EEA1: variants seen among roughly 807,000 people sequenced by gnomAD.
EEA1 encodes the protein early endosome antigen 1, 162kD.
EEA1 carries 111 observed loss-of-function variants against 209.2 expected under a neutral mutation model. The ratio of observed to expected loss-of-function variants is 0.53; its 90% CI spans 0.45 to 0.62. The LOEUF (loss-of-function observed/expected upper bound fraction) is 0.62. EEA1 is among the 20% of genes least tolerant of loss of function. The pLI is 0.00. For synonymous variants in EEA1, 536 were observed against 540.6 expected, an observed-to-expected ratio of 0.99 and a Z score of 0.12; for missense variants, 1,343 against 1,530.8, an observed-to-expected ratio of 0.88 and a Z score of 2.05.
intron 10 of EEA1, among the ~76,000 whole-genome samples, chr12:92,833,763 T>C (rs1876774562): frequency 6.6e-6 from 1 of 152,108 alleles, no homozygotes; most frequent in Non-Finnish European, 1.5e-5. Flanking sequence ...AAACAAAATA[T>C]ACTCTAAATG....
At chr12:92,790,287 C>A (rs934013147) in intron 21 of EEA1, among the ~76,000 whole-genome samples, 2 of 152,196 alleles carry the variant, frequency 1.3e-5, no homozygotes, top group Non-Finnish European at 2.9e-5. Context: ...ATAACTTTGA[C>A]GAGTTGACAG....
rs762014438 is a variant in EEA1 at position 92,802,702 on chromosome 12, T to A, written c.2372A>T (p.Lys791Ile). 2.0e-5 allele frequency: 32 copies of A among 1,597,620 alleles called. No homozygotes were observed. Among genetic ancestry groups the A allele is most frequent in the Non-Finnish European group, 2.7e-5 (32 of 1,175,906 alleles). ...CTTGATACTTTCAAGGGCTTCAGAT[T>A]TTTTCTGTAGATCCAATCTTGTACT... is the stretch of plus-strand genomic sequence containing the variant. ...VSSTRLDLQKKSEALESIKQK... is the reference protein window; with the variant it reads ...VSSTRLDLQKISEALESIKQK... The change falls in exon 19 of 29, where the codon AAA becomes ATA. Residue 791 changes from lysine (K) to isoleucine (I), a missense_variant. Around this residue, in one of 3 missense-constraint regions of EEA1, gnomAD observed 1,307 missense variants for 1,465.5 expected, o/e 0.89. Coordinates refer to ENST00000322349, the MANE Select transcript of EEA1 (RefSeq NM_003566.4).
intron 1 of EEA1, among the ~76,000 whole-genome samples, chr12:92,896,316 C>G (rs57639196): frequency 0.024 from 3,727 of 152,190 alleles, 169 homozygotes; most frequent in African/African-American, 0.084. Context: ...GGAGGAATGG[C>G]TTCTTAGGGA....
intron 5 of EEA1, 48 bp downstream of exon 5, chr12:92,857,227 A>G: frequency 6.9e-7 from 1 of 1,443,068 alleles, no homozygotes; most frequent in Non-Finnish European, 9.3e-7. Flanking sequence ...TTTCAACAAT[A>G]AAAATAAACA....
intron 10 of EEA1, among the ~76,000 whole-genome samples, chr12:92,834,290 T>C (rs976525066): frequency 6.6e-6 from 1 of 152,062 alleles, no homozygotes; most frequent in South Asian, 2.1e-4. Flanking sequence ...ACACCTGTAA[T>C]CCCAGCACTC....
intron 2 of EEA1, among the ~76,000 whole-genome samples, chr12:92,872,331 G>A: frequency 6.6e-6 from 1 of 152,146 alleles, no homozygotes; most frequent in Non-Finnish European, 1.5e-5. Context: ...TTACAGGCGT[G>A]GGCCACCACG....
intron 1 of EEA1, among the ~76,000 whole-genome samples, chr12:92,897,288 T>C (rs950900108): frequency 3.3e-5 from 5 of 152,224 alleles, no homozygotes; most frequent in South Asian, 4.1e-4. Context: ...TTCATTTGCA[T>C]AGAAGTATAA....
intron 7 of EEA1, 59 bp from the exon 8 acceptor site, chr12:92,852,355 C>T (rs1026255601): frequency 7.3e-6 from 9 of 1,240,436 alleles, no homozygotes; most frequent in Non-Finnish European, 9.8e-6. Flanking sequence ...TATAAGTTTC[C>T]ATATATTACT....
intron 2 of EEA1, among the ~76,000 whole-genome samples, chr12:92,878,712 C>T (rs1879017494): frequency 6.6e-6 from 1 of 151,772 alleles, no homozygotes; most frequent in South Asian, 2.1e-4. Flanking sequence ...CAAAAGTTGG[C>T]TACCTTAAAA....
intron 2 of EEA1, among the ~76,000 whole-genome samples, chr12:92,886,923 G>T (rs10859388): frequency 2.6e-5 from 4 of 151,338 alleles, no homozygotes; most frequent in African/African-American, 4.9e-5. Flanking sequence ...GCATGAGCCT[G>T]GGAGGAGGAG....
intron 1 of EEA1, among the ~76,000 whole-genome samples, chr12:92,897,151 A>T (rs1433642496): frequency 2.6e-5 from 4 of 152,118 alleles, no homozygotes; most frequent in Admixed American, 1.3e-4. Context: ...TGAAAGGAAA[A>T]CCCTAACTTT....
At chr12:92,779,501 G>A (rs1373061603) in intron 24 of EEA1, among the ~76,000 whole-genome samples, 1 of 151,910 alleles carries the variant, frequency 6.6e-6, no homozygotes, top group Non-Finnish European at 1.5e-5. Context: ...TTTAAATCCA[G>A]GTGACAAAAA....
chr12:92,783,088 T>C (rs1322242421), intron 22 of EEA1, among the ~76,000 whole-genome samples: 1 of 152,212 alleles, frequency 6.6e-6, no homozygotes, highest in African/African-American at 2.4e-5. Flanking sequence ...CTGTGAGCTG[T>C]TCAGCAAACT....
chr12:92,813,156 G>A (rs964016428), intron 15 of EEA1, 63 bp from the exon 16 acceptor site: 19 of 1,046,926 alleles, frequency 1.8e-5, no homozygotes, highest in Admixed American at 6.3e-5. Flanking sequence ...TTGCTTGAAC[G>A]CACACTCCTT....
At chr12:92,823,178 G>A (rs558155391) in intron 13 of EEA1, among the ~76,000 whole-genome samples, 88 of 151,982 alleles carry the variant, frequency 5.8e-4, no homozygotes, top group African/African-American at 1.8e-3. Context: ...TTCACACATC[G>A]ACAAGAATAT....
chr12:92,916,725 C>T (rs1592777454), intron 1 of EEA1, among the ~76,000 whole-genome samples: 1 of 126,738 alleles, frequency 7.9e-6, no homozygotes, highest in East Asian at 2.0e-4. Flanking sequence ...TCACCAGCAA[C>T]AGAACAAAGC....
chr12:92,922,579 A>G (rs1881048134), intron 1 of EEA1, among the ~76,000 whole-genome samples: 1 of 152,230 alleles, frequency 6.6e-6, no homozygotes, highest in African/African-American at 2.4e-5. Flanking sequence ...AGGGCCAACA[A>G]GTAGTCAATA....
At chr12:92,929,014 C>G in intron 1 of EEA1, 29 bp downstream of exon 1, 1 of 1,583,338 alleles carries the variant, frequency 6.3e-7, no homozygotes, top group Non-Finnish European at 8.6e-7. Context: ...CGCTCACGTG[C>G]TGCCAGAAAG....
rs576090597 is a variant in EEA1, at chr12:92,906,840, G to A, written c.25-15119C>T. Among the ~76,000 whole-genome samples, 225 of 152,008 alleles carry A rather than the reference G, an allele frequency of 1.5e-3. 1 individual carries two copies. The highest frequency in any genetic ancestry group is 5.3e-3 in the African/African-American group (218 of 41,472). On this transcript the variant is annotated intron_variant, in intron 1 of 28. Coordinates refer to ENST00000322349, the MANE Select transcript of EEA1 (RefSeq NM_003566.4). Reference sequence around the variant, plus strand: ...AAATAAAAAAAAAATTAAATAAAATGTAACTTTCAACACTGATTTTGTTAC... The same window carrying A: ...AAATAAAAAAAAAATTAAATAAAATATAACTTTCAACACTGATTTTGTTAC...
Sources: gnomAD v4.1 joint callset for allele counts (sites outside exome capture counted in the v4.1 genomes callset) on GRCh38, gnomAD v4.1.1 for gene constraint, gnomAD v4.1.1 regional missense constraint, MANE v1.5 for transcripts, NCBI Gene and HGNC (gene_info 2026-07-23, HGNC 2026-07-21) for gene names.